Variants in ODF2L observed in about 807,000 individuals in gnomAD.
ODF2L encodes protein BCAP.
Under a neutral mutation model 86.3 loss-of-function variants are expected in ODF2L, and 76 were observed. That is an observed-to-expected ratio of 0.88 (90% CI 0.73 to 1.07). ODF2L has a LOEUF of 1.07. Ranked by LOEUF, ODF2L falls within the 50% of genes least tolerant of loss-of-function variation. The pLI is 0.00. For missense variants in ODF2L, 748 were observed against 717.4 expected (o/e 1.04, Z -0.49); for synonymous variants, 241 against 231.3 (o/e 1.04, Z -0.38).
chr1:86,391,391 G>A (rs943369448), intron 1 of ODF2L, among the ~76,000 whole-genome samples: 9 of 150,956 alleles, frequency 6.0e-5, no homozygotes, highest in African/African-American at 2.2e-4. Context: ...AGCAAGACTA[G>A]GTGAAAAGAC....
chr1:86,380,550 C>G (rs1399931950), intron 7 of ODF2L, among the ~76,000 whole-genome samples: 1 of 152,086 alleles, frequency 6.6e-6, no homozygotes, highest in Non-Finnish European at 1.5e-5. Flanking sequence ...GAACATAGTT[C>G]CAGACACGAT....
At chr1:86,388,500 T>C (rs1207273387) in intron 1 of ODF2L, among the ~76,000 whole-genome samples, 2 of 152,100 alleles carry the variant, frequency 1.3e-5, no homozygotes, top group Non-Finnish European at 2.9e-5. Flanking sequence ...ACAAGCCTTG[T>C]AAAAGCTAAG....
intron 1 of ODF2L, among the ~76,000 whole-genome samples, chr1:86,388,368 C>A (rs1418772341): frequency 6.6e-6 from 1 of 152,034 alleles, no homozygotes; most frequent in Non-Finnish European, 1.5e-5. Context: ...CAATAGCTAT[C>A]CCCATACAGA....
At chr1:86,353,021 T>C in intron 16 of ODF2L, 37 bp from the exon 16 acceptor site, 1 of 1,328,554 alleles carries the variant, frequency 7.5e-7, no homozygotes, top group Non-Finnish European at 1.1e-6. Context: ...TAAAGTGCTT[T>C]CTTTAAAATA....
intron 10 of ODF2L, among the ~76,000 whole-genome samples, chr1:86,369,424 C>T (rs1268189348): frequency 6.6e-6 from 1 of 152,146 alleles, no homozygotes; most frequent in African/African-American, 2.4e-5. Flanking sequence ...TTCCTATTTC[C>T]TCCACTCACT....
intron 11 of ODF2L, among the ~76,000 whole-genome samples, chr1:86,361,084 G>A (rs569804714): frequency 1.3e-5 from 2 of 152,238 alleles, no homozygotes; most frequent in South Asian, 4.1e-4. Flanking sequence ...GTCCTAAAGA[G>A]CATAAAATTA....
At chr1:86,350,734 CTA>C (rs1054763883) in exon 18 of ODF2L, 1 of 152,170 alleles carries the variant, frequency 6.6e-6, no homozygotes, top group African/African-American at 2.4e-5. Context: ...TAAAAGCATC[CTA>C]TTTCTCCACA....
intron 9 of ODF2L, 33 bp downstream of exon 9, chr1:86,372,398 C>T: frequency 1.9e-6 from 2 of 1,074,178 alleles, no homozygotes; most frequent in Non-Finnish European, 2.5e-6. Flanking sequence ...AAAACTCTTA[C>T]TAAATAATAA....
chr1:86,357,988 T>C (rs1055460876), intron 13 of ODF2L: 8 of 985,350 alleles, frequency 8.1e-6, no homozygotes, highest in Non-Finnish European at 9.6e-6. Context: ...TGAAAAGTAA[T>C]TCCATGAAAG....
intron 11 of ODF2L, among the ~76,000 whole-genome samples, chr1:86,362,715 A>C (rs1355098481): frequency 6.6e-6 from 1 of 152,128 alleles, no homozygotes. Context: ...GTTGGAGAGC[A>C]GTAGTGTGAT....
chr1:86,388,272 A>G (rs760764039), intron 1 of ODF2L, among the ~76,000 whole-genome samples: 1 of 152,128 alleles, frequency 6.6e-6, no homozygotes, highest in Non-Finnish European at 1.5e-5. Flanking sequence ...AATAAAATAA[A>G]AAACCAAACC....
In ODF2L at chr1:86,384,665, T is replaced by C; in HGVS notation, c.372+11A>G. The stretch of plus-strand genomic sequence containing the variant: ...CACTATTAAAATGAGTGCTTAGTGT[T>C]GATGCCTTACTTGTTTGTAGTCTCT... On this transcript the variant is annotated intron_variant, in intron 4 of 17. Coordinates refer to ENST00000317336, the Ensembl canonical transcript of ODF2L. 7.0e-7 allele frequency: 1 copy of C among 1,430,330 alleles called. No homozygotes were observed. The highest frequency in any genetic ancestry group is 9.2e-7 in the Non-Finnish European group (1 of 1,084,926). 88.6% of individuals were successfully genotyped at this position (1,430,330 alleles called of 1,614,324 possible). A position where few individuals can be genotyped will look rare whatever the true frequency, so the allele number is the denominator to read the frequency against.
At chr1:86,387,638 A>G (rs1301217006) in intron 1 of ODF2L, among the ~76,000 whole-genome samples, 1 of 152,152 alleles carries the variant, frequency 6.6e-6, no homozygotes, top group Non-Finnish European at 1.5e-5. Context: ...CAGACAGATG[A>G]CATTACTTCC....
At chr1:86,355,538 C>A in intron 14 of ODF2L, 1 of 613,340 alleles carries the variant, frequency 1.6e-6, no homozygotes, top group Non-Finnish European at 2.9e-6. Context: ...ATATTTTTAT[C>A]TAACTTTTAA....
chr1:86,364,113 T>C (rs573003432), intron 11 of ODF2L, among the ~76,000 whole-genome samples: 2 of 152,328 alleles, frequency 1.3e-5, no homozygotes, highest in Non-Finnish European at 2.9e-5. Flanking sequence ...ATGACTTTTA[T>C]AGTCTATATA....
chr1:86,348,055 A>C (rs1015007145), downstream of ODF2L: 1 of 152,178 alleles, frequency 6.6e-6, no homozygotes, highest in Non-Finnish European at 1.5e-5. Flanking sequence ...GTCTAAAATA[A>C]TAATAATATC....
chr1:86,355,061 C>T, intron 14 of ODF2L: 1 of 544,364 alleles, frequency 1.8e-6, no homozygotes, highest in Non-Finnish European at 3.2e-6. Flanking sequence ...AGTTATGTTG[C>T]CTGTATTGGA....
chr1:86,360,371 G>T, intron 12 of ODF2L, 55 bp downstream of exon 11: 1 of 770,316 alleles, frequency 1.3e-6, no homozygotes, highest in Non-Finnish European at 2.2e-6. Context: ...CAAAGAAATA[G>T]TGTTTTAAAT....
chr1:86,352,299 A>G, intron 17 of ODF2L: 1 of 1,362,072 alleles, frequency 7.3e-7, no homozygotes, highest in African/African-American at 1.5e-5. Flanking sequence ...AGCTTTCAGA[A>G]TATTCTATGC....
Sources: allele counts gnomAD v4.1 joint callset (sites outside exome capture counted in the v4.1 genomes callset), GRCh38; gene constraint gnomAD v4.1.1; transcripts MANE v1.5; gene names NCBI Gene and HGNC (gene_info 2026-07-23, HGNC 2026-07-21).